Variants in SYNPR observed in about 807,000 individuals in gnomAD.
SYNPR encodes the protein synaptoporin.
Under a neutral mutation model 32.9 loss-of-function variants are expected in SYNPR, and 23 were observed. The ratio of observed to expected loss-of-function variants is 0.70; its 90% confidence interval spans 0.50 to 0.99. SYNPR has a LOEUF of 0.99. SYNPR is among the 50% of genes least tolerant of loss of function. The probability of loss-of-function intolerance (pLI) is 0.00; values close to 1 mark genes in which losing one functional copy is unlikely to be tolerated. For synonymous variants in SYNPR, 146 were observed against 135.9 expected (o/e 1.07, Z -0.52); for missense variants, 318 against 349.3 (o/e 0.91, Z 0.71).
chr3:63,409,167 C>T (rs9879986), intron 2 of SYNPR, among the ~76,000 whole-genome samples: 4,328 of 152,168 alleles, frequency 0.028, 194 homozygotes, highest in African/African-American at 0.098. Context: ...TTCTCAAAAG[C>T]CCTTTTTTTC....
chr3:63,369,887 A>C (rs942725054), intron 2 of SYNPR, among the ~76,000 whole-genome samples: 1 of 152,196 alleles, frequency 6.6e-6, no homozygotes, highest in Non-Finnish European at 1.5e-5. Context: ...CATGAAGACT[A>C]AGAAGAATTT....
chr3:63,469,400 G>A (rs914126482), intron 2 of SYNPR, among the ~76,000 whole-genome samples: 1 of 152,030 alleles, frequency 6.6e-6, no homozygotes, highest in African/African-American at 2.4e-5. Context: ...ATACAGTTAA[G>A]GTATCTATCA....
intron 2 of SYNPR, among the ~76,000 whole-genome samples, chr3:63,290,330 T>C (rs2086727009): frequency 6.6e-6 from 1 of 152,158 alleles, no homozygotes; most frequent in South Asian, 2.1e-4. Flanking sequence ...TACTCCTAGG[T>C]CTTGGAGCTA....
intron 3 of SYNPR, among the ~76,000 whole-genome samples, chr3:63,524,132 T>C (rs764485828): frequency 2.0e-4 from 31 of 151,856 alleles, no homozygotes; most frequent in Admixed American, 2.6e-4. Context: ...TAAAGGAAGC[T>C]TCCTATCAGT....
At chr3:63,390,504 C>T (rs1380136269) in intron 2 of SYNPR, among the ~76,000 whole-genome samples, 1 of 152,200 alleles carries the variant, frequency 6.6e-6, no homozygotes, top group Non-Finnish European at 1.5e-5. Context: ...ACACACATCT[C>T]ATCTGCTATT....
chr3:63,254,641 G>A (rs1187056845), intron 2 of SYNPR, among the ~76,000 whole-genome samples: 1 of 152,094 alleles, frequency 6.6e-6, no homozygotes, highest in Non-Finnish European at 1.5e-5. Flanking sequence ...TATATGATTG[G>A]TGGGGAAGGG....
chr3:63,394,130 A>C (rs927187308), intron 2 of SYNPR, among the ~76,000 whole-genome samples: 1 of 152,208 alleles, frequency 6.6e-6, no homozygotes, highest in African/African-American at 2.4e-5. Flanking sequence ...TAGGTACAGA[A>C]TAAATATTTG....
chr3:63,223,626 C>T (rs1267292858), upstream of SYNPR, among the ~76,000 whole-genome samples: 4 of 152,106 alleles, frequency 2.6e-5, no homozygotes, highest in African/African-American at 9.7e-5. Context: ...CTTTTTAAAA[C>T]ATAAATCATT....
At chr3:63,388,291 G>C (rs1238204439) in intron 2 of SYNPR, among the ~76,000 whole-genome samples, 1 of 151,412 alleles carries the variant, frequency 6.6e-6, no homozygotes, top group Non-Finnish European at 1.5e-5. Flanking sequence ...AGGGATATCT[G>C]GAAGGCATAT....
At chr3:63,372,085 T>A (rs1240871168) in intron 2 of SYNPR, among the ~76,000 whole-genome samples, 1 of 152,058 alleles carries the variant, frequency 6.6e-6, no homozygotes, top group Non-Finnish European at 1.5e-5. Context: ...GGCTCTATGT[T>A]TCCCTGGAAA....
At chr3:63,531,851 G>A (rs9865052) in intron 3 of SYNPR, among the ~76,000 whole-genome samples, 3,247 of 152,154 alleles carry the variant, frequency 0.021, 98 homozygotes, top group African/African-American at 0.07. Flanking sequence ...TAAACTTAGG[G>A]CACTGGTGTT....
intron 3 of SYNPR, among the ~76,000 whole-genome samples, chr3:63,493,680 G>A (rs1701300004): frequency 2.0e-5 from 3 of 151,992 alleles, no homozygotes; most frequent in Admixed American, 2.0e-4. Flanking sequence ...GCCAGGCATG[G>A]TGGCGCACAC....
At chr3:63,406,015 A>C (rs1273376458) in intron 2 of SYNPR, among the ~76,000 whole-genome samples, 2 of 152,136 alleles carry the variant, frequency 1.3e-5, no homozygotes, top group Non-Finnish European at 2.9e-5. Flanking sequence ...TGTCCTGTAG[A>C]GAGGACATCG....
chr3:63,508,649 G>A (rs1701635675), intron 3 of SYNPR, among the ~76,000 whole-genome samples: 2 of 152,126 alleles, frequency 1.3e-5, no homozygotes, highest in African/African-American at 4.8e-5. Context: ...AAAGTAATAT[G>A]ACTGGCCTGG....
rs185724607 is a variant in SYNPR, at chr3:63,457,453, C to A, written c.85-23379C>A. Among the ~76,000 whole-genome samples, 3 of 152,140 alleles carry A rather than the reference C, an allele frequency of 2.0e-5. No homozygotes were observed. The East Asian group carries it at 5.8e-4, about 29-fold the overall frequency. On this transcript the variant is annotated intron_variant, in intron 2 of 5. Coordinates refer to ENST00000478300, the MANE Select transcript of SYNPR (RefSeq NM_001130003.2). ...TTTATGTCTCACCAATAAGCATTAG[C>A]ACTGAGAAGTACAGAAGGTTCATTT...
intron 3 of SYNPR, among the ~76,000 whole-genome samples, chr3:63,548,363 C>T (rs982542459): frequency 6.6e-6 from 1 of 151,628 alleles, no homozygotes; most frequent in Non-Finnish European, 1.5e-5. Flanking sequence ...TCCCTATCTG[C>T]ATAATGTTGG....
At chr3:63,484,244 C>A (rs2106703210) in intron 3 of SYNPR, among the ~76,000 whole-genome samples, 1 of 152,152 alleles carries the variant, frequency 6.6e-6, no homozygotes, top group African/African-American at 2.4e-5. Flanking sequence ...CCTTATTTTC[C>A]TTATTATTTG....
chr3:63,234,155 G>T (rs535831205), intron 1 of SYNPR, among the ~76,000 whole-genome samples: 11 of 152,138 alleles, frequency 7.2e-5, no homozygotes, highest in Non-Finnish European at 2.9e-5. Context: ...TGGAAGGCAA[G>T]GAGGAGCAAG....
intron 3 of SYNPR, among the ~76,000 whole-genome samples, chr3:63,499,426 T>C (rs1021883485): frequency 6.6e-6 from 1 of 152,134 alleles, no homozygotes; most frequent in Admixed American, 6.6e-5. Flanking sequence ...CTCGATTTCT[T>C]ATTTGGGGAA....
Sources: allele counts gnomAD v4.1 joint callset (sites outside exome capture counted in the v4.1 genomes callset), GRCh38; gene constraint gnomAD v4.1.1; transcripts MANE v1.5; gene names NCBI Gene and HGNC (gene_info 2026-07-23, HGNC 2026-07-21).